The following TRPM1 variants were observed in gnomAD, a reference collection of about 807,000 sequenced individuals.
TRPM1 encodes transient receptor potential cation channel subfamily M member 1.
In TRPM1, 113 loss-of-function variants were observed where a neutral mutation model predicts 149.4. That is an observed-to-expected ratio of 0.76 (90% CI 0.65 to 0.88). The LOEUF is 0.88. TRPM1 is among the 40% of genes least tolerant of loss of function. The pLI, the probability that TRPM1 is intolerant of heterozygous loss-of-function variation, is 0.00. For synonymous variants in TRPM1, 741 were observed against 759.5 expected, an observed-to-expected ratio of 0.98 and a Z score of 0.40; for missense variants, 1,976 against 2,038.7, an observed-to-expected ratio of 0.97 and a Z score of 0.59.
intron 27 of TRPM1, among the ~76,000 whole-genome samples, chr15:31,012,711 TC>T: frequency 6.6e-6 from 1 of 152,294 alleles, no homozygotes; most frequent in Admixed American, 6.5e-5. Context: ...TCTGCCAGTT[TC>T]CCTTCTCTCT....
chr15:31,159,870 C>G (rs938148246), intron 1 of TRPM1, among the ~76,000 whole-genome samples: 1 of 152,100 alleles, frequency 6.6e-6, no homozygotes, highest in African/African-American at 2.4e-5. Flanking sequence ...TCACCTGGCT[C>G]ACACTGCTTC....
intron 11 of TRPM1, 155 bp downstream of exon 11, chr15:31,060,389 C>T: frequency 1.4e-6 from 1 of 702,978 alleles, no homozygotes; most frequent in South Asian, 1.6e-5. Context: ...TGAAGTTAAA[C>T]AGTGACATCT....
At chr15:31,069,985 T>A (rs1469688398) in intron 4 of TRPM1, 46 bp downstream of exon 4, 1 of 1,613,992 alleles carries the variant, frequency 6.2e-7, no homozygotes, top group Non-Finnish European at 8.5e-7. Context: ...TGGCCGCCAA[T>A]GAAAGCTGTG....
At chr15:31,026,333 A>T in intron 26 of TRPM1, 62 bp from the exon 27 acceptor site, 1 of 1,592,046 alleles carries the variant, frequency 6.3e-7, no homozygotes, top group Non-Finnish European at 8.5e-7. Context: ...CGTGGCGTCA[A>T]TGAGAATTTC....
chr15:31,051,795 C>G (rs1211404765), intron 11 of TRPM1, among the ~76,000 whole-genome samples: 1 of 152,222 alleles, frequency 6.6e-6, no homozygotes, highest in Non-Finnish European at 1.5e-5. Flanking sequence ...CAGCATCCTG[C>G]TTGCATGTCT....
intron 3 of TRPM1, among the ~76,000 whole-genome samples, chr15:31,072,018 T>TATAGAGAGAGAGAGAGAGAGAG (rs1400392427): frequency 2.7e-5 from 1 of 36,898 alleles, no homozygotes; most frequent in Non-Finnish European, 4.7e-5. Flanking sequence ...TATATATATA[T>TATAGAGAGAGAGAGAGAGAGAG]AGAGAGAGAG....
At chr15:31,092,697 G>A (rs145673108) in intron 1 of TRPM1, among the ~76,000 whole-genome samples, 22 of 152,216 alleles carry the variant, frequency 1.4e-4, no homozygotes, top group Middle Eastern at 3.4e-3. Context: ...CCAGGAGACC[G>A]CACTGTTCAT....
At position 31,001,483 on chromosome 15, in the gene TRPM1, A is replaced by C. The variant is rs1047504; in HGVS notation, c.*339T>G. On this transcript the variant is annotated 3_prime_UTR_variant, in exon 28 of 28. Transcript: ENST00000256552. ...GTGCCCAGCTAGTTGCTTACTTCTT[A>C]AGTGACCTAATGGTGACTTCAGTGC... 3 of 307,844 alleles carry C rather than the reference A, an allele frequency of 9.7e-6. No individual in the cohort carries two copies. The highest frequency in any genetic ancestry group is 2.2e-5 in the African/African-American group (1 of 45,232). The allele number at this position is 307,844 out of a possible 1,614,324, so 19.1% of individuals were successfully genotyped here. A position where few individuals can be genotyped will look rare whatever the true frequency, so the allele number is the denominator to read the frequency against.
At chr15:31,107,399 T>A (rs959747701) in intron 1 of TRPM1, among the ~76,000 whole-genome samples, 6 of 152,232 alleles carry the variant, frequency 3.9e-5, no homozygotes, top group Admixed American at 3.9e-4. Context: ...AGAAAATCAT[T>A]AGTGATGCCC....
At chr15:31,152,035 T>A (rs780941918) in intron 1 of TRPM1, among the ~76,000 whole-genome samples, 1 of 152,164 alleles carries the variant, frequency 6.6e-6, no homozygotes, top group Non-Finnish European at 1.5e-5. Flanking sequence ...GCTGGACATG[T>A]TGTCCCTAGG....
chr15:31,037,941 A>G (rs2033471250), intron 19 of TRPM1, 99 bp from the exon 20 acceptor site: 1 of 1,612,044 alleles, frequency 6.2e-7, no homozygotes, highest in African/African-American at 1.3e-5. Context: ...AATTCCAAAA[A>G]TACCTTTAAC....
At chr15:31,056,479 T>A (rs995859471) in intron 11 of TRPM1, among the ~76,000 whole-genome samples, 1 of 152,234 alleles carries the variant, frequency 6.6e-6, no homozygotes, top group Non-Finnish European at 1.5e-5. Context: ...GGTTCATCTA[T>A]AATTGAATGA....
At chr15:31,055,251 A>C (rs926104818) in intron 11 of TRPM1, among the ~76,000 whole-genome samples, 1 of 152,184 alleles carries the variant, frequency 6.6e-6, no homozygotes, top group Non-Finnish European at 1.5e-5. Flanking sequence ...TTACAGCCTG[A>C]GCATGTGTTT....
Position 31,002,184 on chromosome 15 carries a change from C to G in TRPM1, c.4516G>C (p.Asp1506His). 6.2e-7 allele frequency: 1 copy of G among 1,614,250 alleles called. No individual in the cohort carries two copies. The highest frequency in any genetic ancestry group is 8.5e-7 in the Non-Finnish European group (1 of 1,180,052). The change falls in exon 28 of 28, where the codon GAT becomes CAT. Residue 1506 changes from aspartate (D) to histidine (H), a missense_variant. Coordinates refer to ENST00000256552, the MANE Select transcript of TRPM1 (RefSeq NM_001252024.2). ...VQKITRSHST[D>H]IPYIVSEAAV... The stretch of plus-strand genomic sequence containing the variant: ...GCTTCCGACACAATGTAAGGAATAT[C>G]TGTGCTATGAGAGCGCGTGATCTTT...
intron 18 of TRPM1, among the ~76,000 whole-genome samples, chr15:31,038,970 T>C (rs1192315243): frequency 1.3e-5 from 2 of 149,558 alleles, no homozygotes; most frequent in African/African-American, 2.5e-5. Context: ...CCCAGGCTCA[T>C]AGATAGAAAA....
chr15:31,157,172 C>T (rs1263219965), intron 1 of TRPM1, among the ~76,000 whole-genome samples: 2 of 152,294 alleles, frequency 1.3e-5, no homozygotes, highest in East Asian at 3.9e-4. Flanking sequence ...TTTGGCCTCC[C>T]AAAGTGCTGG....
intron 1 of TRPM1, among the ~76,000 whole-genome samples, chr15:31,133,137 C>T (rs1163320793): frequency 6.6e-6 from 1 of 152,144 alleles, no homozygotes; most frequent in Non-Finnish European, 1.5e-5. Flanking sequence ...AGTCAGGCTG[C>T]AATAAGGAAA....
chr15:31,120,119 TC>T (rs1442273682), intron 1 of TRPM1, among the ~76,000 whole-genome samples: 1 of 152,120 alleles, frequency 6.6e-6, no homozygotes, highest in Non-Finnish European at 1.5e-5. Flanking sequence ...TACATTTTTT[TC>T]TTTTTTCTTT....
In TRPM1 at chr15:31,038,019, GC is replaced by G; in HGVS notation, c.2439+24del. 1.9e-6 allele frequency: 3 copies of G among 1,613,974 alleles called. No homozygotes were observed. In the South Asian group the frequency reaches 3.3e-5, roughly 18 times the overall value. Reference sequence around the variant, plus strand: ...TTTGAAAACAAGATTACACTGATATGCTTAGGGTCAAGTGTGTCACTGACCG... The same window carrying G: ...TTTGAAAACAAGATTACACTGATATGTTAGGGTCAAGTGTGTCACTGACCG... On this transcript the variant is annotated intron_variant, in intron 19 of 27. Transcript: ENST00000256552.
Sources: gnomAD v4.1 joint callset for allele counts (sites outside exome capture counted in the v4.1 genomes callset) on GRCh38, gnomAD v4.1.1 for gene constraint, MANE v1.5 for transcripts, NCBI Gene and HGNC (gene_info 2026-07-23, HGNC 2026-07-21) for gene names.